Variants in ZNF33A observed in about 807,000 individuals in gnomAD.
The protein encoded by ZNF33A is brain my041 protein.
Under a neutral mutation model 15.9 loss-of-function variants are expected in ZNF33A, and 9 were observed. The observed-to-expected ratio is 0.57, with a 90% confidence interval of 0.34 to 0.99. The LOEUF is 0.99. ZNF33A is among the 50% of genes least tolerant of loss of function. The pLI is 0.02. For missense variants in ZNF33A, 843 were observed against 941.6 expected (o/e 0.90, Z 1.37); for synonymous variants, 294 against 324.2 (o/e 0.91, Z 1.00).
At chr10:38,032,017 T>C (rs2065234842) in intron 4 of ZNF33A, among the ~76,000 whole-genome samples, 1 of 152,096 alleles carries the variant, frequency 6.6e-6, no homozygotes, top group South Asian at 2.1e-4. Flanking sequence ...TGTATACTAT[T>C]TGTTGAAAAA....
At chr10:38,062,436 A>G (rs990132258), downstream of ZNF33A, among the ~76,000 whole-genome samples, 11 of 152,220 alleles carry the variant, frequency 7.2e-5, no homozygotes, top group African/African-American at 2.7e-4. Context: ...CACTATTGAA[A>G]AAAATCAAAC....
chr10:38,053,336 T>C (rs1296896761), intron 4 of ZNF33A, among the ~76,000 whole-genome samples: 1 of 152,144 alleles, frequency 6.6e-6, no homozygotes, highest in East Asian at 1.9e-4. Context: ...CACACAGCCT[T>C]TTCTCTGTGC....
At chr10:38,012,774 A>G (rs1222814835) in intron 2 of ZNF33A, among the ~76,000 whole-genome samples, 3 of 152,156 alleles carry the variant, frequency 2.0e-5, no homozygotes, top group African/African-American at 7.2e-5. Context: ...ATAGATAAAA[A>G]TTGAACTTCC....
At chr10:38,045,065 G>T (rs1212182739) in intron 4 of ZNF33A, among the ~76,000 whole-genome samples, 1 of 152,206 alleles carries the variant, frequency 6.6e-6, no homozygotes, top group Non-Finnish European at 1.5e-5. Context: ...CCTGTATGTA[G>T]GTGACAGTGT....
Position 38,059,591 on chromosome 10 carries a change from A to C in ZNF33A, c.*3031A>C, listed in dbSNP as rs548738907. 1 of 152,314 alleles carries C rather than the reference A, an allele frequency of 6.6e-6. No individual in the cohort carries two copies. Among genetic ancestry groups the C allele is most frequent in the Admixed American group, 6.5e-5 (1 of 15,298 alleles). 9.4% of individuals were successfully genotyped at this position (152,314 alleles called of 1,614,324 possible). A position where few individuals can be genotyped will look rare whatever the true frequency, so the allele number is the denominator to read the frequency against. On this transcript the variant is annotated 3_prime_UTR_variant, in exon 5 of 5. Transcript: ENST00000432900. The stretch of plus-strand genomic sequence containing the variant: ...GGAGAAACCCTAAATGCTTATTGTT[A>C]AGTGAAAACCAATCTGAAAAGGCTT...
At chr10:38,047,190 CAA>C (rs61278605) in intron 4 of ZNF33A, among the ~76,000 whole-genome samples, 2,526 of 63,952 alleles carry the variant, frequency 0.039, 60 homozygotes, top group African/African-American at 0.17. Flanking sequence ...CCACCCCTGC[CAA>C]AAAAAAAAAA....
At chr10:38,053,167 G>T (rs2504124) in intron 4 of ZNF33A, among the ~76,000 whole-genome samples, 9,123 of 152,028 alleles carry the variant, frequency 0.06, 353 homozygotes, top group Middle Eastern at 0.095. Context: ...TGTATTAGTT[G>T]ACTCAGGCTG....
chr10:38,042,300 C>T (rs2065741437), intron 4 of ZNF33A, among the ~76,000 whole-genome samples: 1 of 151,802 alleles, frequency 6.6e-6, no homozygotes, highest in Admixed American at 6.6e-5. Flanking sequence ...ATTCTCCTGT[C>T]TCAGCCTCCC....
chr10:38,048,871 G>A (rs958898733), intron 4 of ZNF33A, among the ~76,000 whole-genome samples: 32 of 152,030 alleles, frequency 2.1e-4, no homozygotes, highest in African/African-American at 7.0e-4. Context: ...AGGAAAAGGA[G>A]CAAAGATATA....
chr10:38,038,874 T>G (rs2135680436), intron 4 of ZNF33A, among the ~76,000 whole-genome samples: 1 of 152,344 alleles, frequency 6.6e-6, no homozygotes, highest in Middle Eastern at 3.4e-3. Context: ...CCTTACGTGG[T>G]GTATTAATTG....
intron 4 of ZNF33A, among the ~76,000 whole-genome samples, chr10:38,041,503 T>G (rs970309325): frequency 6.6e-6 from 1 of 151,970 alleles, no homozygotes. Context: ...CTTATATGTA[T>G]CTCTATTTTC....
chr10:38,039,285 G>T (rs1325085652), intron 4 of ZNF33A: 1 of 337,190 alleles, frequency 3.0e-6, no homozygotes, highest in East Asian at 8.0e-5. Flanking sequence ...GTGCAGTGGT[G>T]CAGTCATGGC....
At chr10:38,010,576 GC>G (rs1404541099), upstream of ZNF33A, 1 of 892,456 alleles carries the variant, frequency 1.1e-6, no homozygotes, top group Non-Finnish European at 1.9e-6. Flanking sequence ...AGGGCTGCTC[GC>G]CCGGCCTCAC....
intron 4 of ZNF33A, among the ~76,000 whole-genome samples, chr10:38,018,518 T>G (rs1245989356): frequency 2.0e-5 from 3 of 152,190 alleles, no homozygotes; most frequent in Admixed American, 6.5e-5. Context: ...ATTTTATTTT[T>G]AATTTAGTGG....
intron 4 of ZNF33A, among the ~76,000 whole-genome samples, chr10:38,023,997 A>G (rs531487333): frequency 1.3e-5 from 2 of 151,990 alleles, no homozygotes; most frequent in East Asian, 3.9e-4. Context: ...CATCTCTACT[A>G]AAAATACAAA....
intron 4 of ZNF33A, among the ~76,000 whole-genome samples, chr10:38,051,865 A>G (rs1004241363): frequency 3.9e-5 from 6 of 152,124 alleles, no homozygotes; most frequent in Non-Finnish European, 7.4e-5. Context: ...AAAAAAACAG[A>G]AAAAAAGTCA....
intron 4 of ZNF33A, among the ~76,000 whole-genome samples, chr10:38,032,210 A>G (rs2077622730): frequency 6.6e-6 from 1 of 152,190 alleles, no homozygotes; most frequent in South Asian, 2.1e-4. Flanking sequence ...AGTAAATGTT[A>G]CACAGAAGTG....
Position 38,010,749 on chromosome 10 carries a change from T to A in ZNF33A, c.-79T>A, listed in dbSNP as rs775984203. On this transcript the variant is annotated 5_prime_UTR_variant, in exon 1 of 5. Transcript: ENST00000432900. ...CCGGGATTTCAAGGGTCTACGCGCT[T>A]TTCTATGGCGAATGCAACCCGACGA... 6.3e-7 allele frequency: 1 copy of A among 1,598,436 alleles called. No homozygotes were observed. The highest frequency in any genetic ancestry group is 8.5e-7 in the Non-Finnish European group (1 of 1,179,804).
intron 4 of ZNF33A, among the ~76,000 whole-genome samples, chr10:38,041,539 A>C (rs1182165072): frequency 1.3e-5 from 2 of 151,844 alleles, no homozygotes; most frequent in South Asian, 2.1e-4. Flanking sequence ...ATTTTTATAT[A>C]TATTACATAT....
Sources: allele counts gnomAD v4.1 joint callset (sites outside exome capture counted in the v4.1 genomes callset), GRCh38; gene constraint gnomAD v4.1.1; transcripts MANE v1.5; gene names NCBI Gene and HGNC (gene_info 2026-07-23, HGNC 2026-07-21).